DNAJC1: variants seen among roughly 807,000 people sequenced by gnomAD.
DNAJC1 encodes the protein dnaJ homolog subfamily C member 1.
DNAJC1 carries 58 observed loss-of-function variants against 76.6 expected under a neutral mutation model. The observed-to-expected ratio is 0.76, with a 90% CI of 0.61 to 0.94. DNAJC1 has a LOEUF of 0.94. Ranked by LOEUF, DNAJC1 falls within the 40% of genes least tolerant of loss-of-function variation. The pLI is 0.00. For missense variants in DNAJC1, 689 were observed against 677.3 expected (o/e 1.02, Z -0.19); for synonymous variants, 258 against 267.9 (o/e 0.96, Z 0.36).
chr10:21,963,703 A>G (rs1227329789), intron 1 of DNAJC1, among the ~76,000 whole-genome samples: 1 of 152,222 alleles, frequency 6.6e-6, no homozygotes, highest in Non-Finnish European at 1.5e-5. Flanking sequence ...TGTCTCTTAT[A>G]AACAGCGTAC....
intron 1 of DNAJC1, among the ~76,000 whole-genome samples, chr10:21,951,012 G>T (rs1837585036): frequency 6.6e-6 from 1 of 152,194 alleles, no homozygotes; most frequent in African/African-American, 2.4e-5. Flanking sequence ...CTTTAATTCA[G>T]ACTTGGCATT....
chr10:21,943,783 T>C (rs1483253073), intron 1 of DNAJC1, among the ~76,000 whole-genome samples: 2 of 152,174 alleles, frequency 1.3e-5, no homozygotes, highest in Non-Finnish European at 2.9e-5. Flanking sequence ...CTTCAGTGAC[T>C]GCTATTGCTA....
chr10:21,776,904 A>C (rs1396379182), intron 9 of DNAJC1, among the ~76,000 whole-genome samples: 5 of 152,196 alleles, frequency 3.3e-5, no homozygotes, highest in Non-Finnish European at 7.4e-5. Context: ...AACATAACAC[A>C]TATTCACCAT....
chr10:21,883,602 G>A (rs944690000), intron 7 of DNAJC1, among the ~76,000 whole-genome samples: 5 of 151,872 alleles, frequency 3.3e-5, no homozygotes, highest in Non-Finnish European at 5.9e-5. Context: ...CTAACTTCAT[G>A]GCTTAGCCTA....
chr10:21,931,234 T>TACAC (rs1354825329), intron 1 of DNAJC1, among the ~76,000 whole-genome samples: 1 of 152,222 alleles, frequency 6.6e-6, no homozygotes, highest in Non-Finnish European at 1.5e-5. Context: ...CACCTTAGGA[T>TACAC]ACACAGTTCA....
rs1032587447 is a variant in DNAJC1 at position 21,787,889 on chromosome 10, G to A, written c.1098+18091C>T. Among the ~76,000 whole-genome samples the A allele has an allele frequency of 4.6e-5, 7 of 152,294 alleles. No individual in the cohort carries two copies. The East Asian group carries it at 7.7e-4, about 17-fold the overall frequency. On this transcript the variant is annotated intron_variant, in intron 9 of 11. Coordinates refer to ENST00000376980, the MANE Select transcript of DNAJC1 (RefSeq NM_022365.4). ...GAGTAGCCAATACTGTGTTCCTCCC[G>A]CTGTGGCCTGCATGGCCACCATGCC...
intron 8 of DNAJC1, among the ~76,000 whole-genome samples, chr10:21,832,938 T>C (rs1381639612): frequency 6.6e-6 from 1 of 152,226 alleles, no homozygotes; most frequent in African/African-American, 2.4e-5. Flanking sequence ...CTGTTCCTGA[T>C]GATATGCTCT....
intron 9 of DNAJC1, among the ~76,000 whole-genome samples, chr10:21,787,400 G>A (rs544728322): frequency 7.9e-4 from 120 of 151,958 alleles, no homozygotes; most frequent in Non-Finnish European, 1.5e-3. Context: ...AAGAAGAAAA[G>A]AAGGAAGAGG....
intron 1 of DNAJC1, among the ~76,000 whole-genome samples, chr10:21,985,248 C>CTTT (rs1190568148): frequency 1.5e-5 from 2 of 136,100 alleles, no homozygotes; most frequent in African/African-American, 2.7e-5. Context: ...CACTACCCTG[C>CTTT]TTTTTTTTTT....
chr10:21,756,659 T>G lies in DNAJC1; in HGVS notation c.*28A>C. 1 of 1,559,642 alleles carries G rather than the reference T, an allele frequency of 6.4e-7. No individual in the cohort carries two copies. On this transcript the variant is annotated 3_prime_UTR_variant, in exon 12 of 12. Coordinates refer to ENST00000376980, the MANE Select transcript of DNAJC1 (RefSeq NM_022365.4). Reference sequence around the variant, plus strand: ...TTTTTAAGATATTCATTTTGGAAAATGAAGGTGAACATCATCTCCCAGAAT... The same window carrying G: ...TTTTTAAGATATTCATTTTGGAAAAGGAAGGTGAACATCATCTCCCAGAAT...
intron 8 of DNAJC1, among the ~76,000 whole-genome samples, chr10:21,840,004 A>C (rs979993016): frequency 2.6e-5 from 4 of 152,254 alleles, no homozygotes; most frequent in Non-Finnish European, 4.4e-5. Context: ...CAAAAACCAC[A>C]TGATTATCTC....
intron 8 of DNAJC1, among the ~76,000 whole-genome samples, chr10:21,879,175 T>C (rs1378012649): frequency 3.9e-5 from 6 of 152,204 alleles, no homozygotes; most frequent in Admixed American, 2.6e-4. Context: ...AACTTGGCAA[T>C]GGTTAACTTG....
intron 9 of DNAJC1, among the ~76,000 whole-genome samples, chr10:21,786,953 C>A (rs1834619534): frequency 6.6e-6 from 1 of 151,950 alleles, no homozygotes; most frequent in African/African-American, 2.4e-5. Flanking sequence ...TATTAACAAC[C>A]TTATGCCAAT....
chr10:21,972,482 A>G (rs907472411), intron 1 of DNAJC1, among the ~76,000 whole-genome samples: 1 of 152,054 alleles, frequency 6.6e-6, no homozygotes, highest in African/African-American at 2.4e-5. Flanking sequence ...CAAAATTAGC[A>G]GCAGCTTTAT....
chr10:21,920,004 G>T, intron 4 of DNAJC1, 75 bp from the exon 5 acceptor site: 1 of 919,628 alleles, frequency 1.1e-6, no homozygotes. Flanking sequence ...GCTCTTCTGT[G>T]AAGGGTAAAC....
intron 1 of DNAJC1, among the ~76,000 whole-genome samples, chr10:21,995,311 C>T (rs1316622610): frequency 3.9e-5 from 6 of 152,130 alleles, no homozygotes; most frequent in Non-Finnish European, 7.4e-5. Flanking sequence ...CAACAATGAT[C>T]TTTTTCTTTC....
intron 1 of DNAJC1, among the ~76,000 whole-genome samples, chr10:21,979,564 T>C (rs1480487421): frequency 6.6e-6 from 1 of 152,074 alleles, no homozygotes; most frequent in African/African-American, 2.4e-5. Flanking sequence ...ATTTTTAGGG[T>C]GTGACTTTGC....
chr10:21,873,263 T>C (rs572224016), intron 8 of DNAJC1, among the ~76,000 whole-genome samples: 10 of 152,288 alleles, frequency 6.6e-5, no homozygotes, highest in African/African-American at 2.2e-4. Context: ...CTTCTACAAC[T>C]TGGTGTCTGA....
At chr10:21,945,952 A>AAAAT (rs1837497564) in intron 1 of DNAJC1, among the ~76,000 whole-genome samples, 2 of 152,172 alleles carry the variant, frequency 1.3e-5, no homozygotes, top group Non-Finnish European at 2.9e-5. Flanking sequence ...AACTTTATAC[A>AAAAT]AAATAACTGA....
Sources: gnomAD v4.1 joint callset for allele counts (sites outside exome capture counted in the v4.1 genomes callset) on GRCh38, gnomAD v4.1.1 for gene constraint, MANE v1.5 for transcripts, NCBI Gene and HGNC (gene_info 2026-07-23, HGNC 2026-07-21) for gene names.